VANGL1: variants seen among roughly 807,000 people sequenced by gnomAD.
The protein encoded by VANGL1 is vang-like protein 1.
In VANGL1, 18 loss-of-function variants were observed where a neutral mutation model predicts 48.4. The observed-to-expected ratio is 0.37, with a 90% CI of 0.26 to 0.55. The LOEUF is 0.55. VANGL1 is among the 20% of genes least tolerant of loss of function. The probability of loss-of-function intolerance (pLI) is 0.81; values close to 1 mark genes in which losing one functional copy is unlikely to be tolerated. For synonymous variants in VANGL1, 257 were observed against 261.8 expected, an observed-to-expected ratio of 0.98 and a Z score of 0.18; for missense variants, 667 against 675.8, an observed-to-expected ratio of 0.99 and a Z score of 0.14.
intron 3 of VANGL1, among the ~76,000 whole-genome samples, chr1:115,662,295 C>A (rs768660346): frequency 6.6e-6 from 1 of 152,168 alleles, no homozygotes; most frequent in Non-Finnish European, 1.5e-5. Context: ...TAGCTACTAA[C>A]TGAAACTAGC....
At position 115,651,447 on chromosome 1, in the gene VANGL1, T is replaced by A; in HGVS notation, c.34T>A (p.Tyr12Asn). 6.2e-7 allele frequency: 1 copy of A among 1,614,144 alleles called. No homozygotes were observed. Among genetic ancestry groups the A allele is most frequent in the Non-Finnish European group, 8.5e-7 (1 of 1,180,012 alleles). The change falls in exon 2 of 8, where the codon TAC (tyrosine) becomes AAC (asparagine). Residue 12 changes from tyrosine (Y) to asparagine (N), a missense_variant. Coordinates refer to ENST00000355485, the MANE Select transcript of VANGL1 (RefSeq NM_138959.3). ...DTESTYSGYS[Y>N]YSSHSKKSHR... ...CGAATCCACTTATTCTGGATATTCT[T>A]ACTATTCAAGTCATTCGAAAAAATC... is the stretch of plus-strand genomic sequence containing the variant.
In VANGL1 at chr1:115,663,687, G is replaced by A. The variant is rs186509771; in HGVS notation, c.231G>A (p.Thr77=). ...VQDDNWGETT[T]AITGTSEHSI... ...ATGACAACTGGGGAGAGACCACCAC[G>A]GCCATCACAGGCACCTCGGAGCACA... The change falls in exon 4 of 8, where the codon ACG becomes ACA. Residue 77 remains threonine (T), a synonymous_variant. Coordinates refer to ENST00000355485, the MANE Select transcript of VANGL1 (RefSeq NM_138959.3). 210 of 1,614,112 alleles carry A rather than the reference G, an allele frequency of 1.3e-4. No individual in the cohort carries two copies. The highest frequency in any genetic ancestry group is 1.6e-4 in the Non-Finnish European group (189 of 1,180,028).
At chr1:115,677,586 G>C (rs1005039855) in intron 4 of VANGL1, among the ~76,000 whole-genome samples, 4 of 152,210 alleles carry the variant, frequency 2.6e-5, no homozygotes, top group Admixed American at 6.5e-5. Flanking sequence ...ACAACTAGGC[G>C]TACCTTCATG....
chr1:115,677,329 C>T (rs963996039), intron 4 of VANGL1, among the ~76,000 whole-genome samples: 2 of 152,214 alleles, frequency 1.3e-5, no homozygotes, highest in Non-Finnish European at 2.9e-5. Context: ...GAAGTGCTTT[C>T]GTGGTTGATT....
Position 115,691,327 on chromosome 1 carries a change from A to G in VANGL1, c.1523A>G (p.Asp508Gly), listed in dbSNP as rs775329190. 6.2e-7 allele frequency: 1 copy of G among 1,614,048 alleles called. No individual in the cohort carries two copies. The highest frequency in any genetic ancestry group is 2.2e-5 in the East Asian group (1 of 44,878). ...PFIILSEEFI[D>G]PKSHKFVLRL... ...ATCATACTCTCTGAAGAGTTCATAG[A>G]CCCCAAATCTCACAAATTTGTCCTT... The change falls in exon 8 of 8, where the codon GAC becomes GGC. Residue 508 changes from aspartate to glycine, a missense_variant. Coordinates refer to ENST00000355485, the MANE Select transcript of VANGL1 (RefSeq NM_138959.3).
At position 115,679,252 on chromosome 1, in the gene VANGL1, G is replaced by C. The variant is rs116647512; in HGVS notation, c.813-3112G>C. On this transcript the variant is annotated intron_variant, in intron 4 of 7. Coordinates refer to ENST00000355485, the MANE Select transcript of VANGL1 (RefSeq NM_138959.3). ...GAGTCATCCTGTTGCTTCTCTGAGA[G>C]GGCAGAGCCAGAGGGAGTGCAGGAC... Among the ~76,000 whole-genome samples, 846 of 152,340 alleles carry C rather than the reference G, an allele frequency of 5.6e-3. 6 individuals carry two copies. The highest frequency in any genetic ancestry group is 6.6e-3 in the Non-Finnish European group (447 of 68,026).
In VANGL1 at chr1:115,694,869, G is replaced by A. The variant is rs1653978517; in HGVS notation, c.*3490G>A. 6.6e-6 allele frequency: 1 copy of A among 152,194 alleles called. No individual in the cohort carries two copies. The highest frequency in any genetic ancestry group is 6.5e-5 in the Admixed American group (1 of 15,278). 9.4% of individuals were successfully genotyped at this position (152,194 alleles called of 1,614,324 possible). A position where few individuals can be genotyped will look rare whatever the true frequency, so the allele number is the denominator to read the frequency against. ...AGCAGGTGTGTAGCTCAGCAGATAC[G>A]TGTCATTGTGTATATAGCTGAGTGT... On this transcript the variant is annotated 3_prime_UTR_variant, in exon 8 of 8. Transcript: ENST00000355485.
rs1384486572 is a variant in VANGL1 at position 115,669,363 on chromosome 1, TA to T, written c.812+5101del. ...AAGCTTCAGGGTCAAAGTTTTGGGG[TA>T]AAAAATGCTTCATTCATTGAGACTG... On this transcript the variant is annotated intron_variant, in intron 4 of 7. Coordinates refer to ENST00000355485, the MANE Select transcript of VANGL1 (RefSeq NM_138959.3). 3.3e-5 allele frequency among the ~76,000 whole-genome samples: 5 copies of T among 152,142 alleles called. No individual in the cohort carries two copies. The East Asian group carries it at 9.7e-4, about 29-fold the overall frequency.
rs1654079305 is a variant in VANGL1, at chr1:115,697,634, C to G, written c.*6255C>G. On this transcript the variant is annotated 3_prime_UTR_variant, in exon 8 of 8. Coordinates refer to ENST00000355485, the MANE Select transcript of VANGL1 (RefSeq NM_138959.3). ...GAGAACCAGAGAGGCCTGGGCCAGGCAGGTCTTATTTGAGAGGAGATTATT... is the reference window on the plus strand; with the variant it reads ...GAGAACCAGAGAGGCCTGGGCCAGGGAGGTCTTATTTGAGAGGAGATTATT... 6.6e-6 allele frequency: 1 copy of G among 152,190 alleles called. No homozygotes were observed. Among genetic ancestry groups the G allele is most frequent in the Non-Finnish European group, 1.5e-5 (1 of 68,036 alleles). The allele number at this position is 152,190 out of a possible 1,614,324, so 9.4% of individuals were successfully genotyped here.
chr1:115,658,651 G>A (rs1257223138), intron 2 of VANGL1, among the ~76,000 whole-genome samples: 1 of 152,182 alleles, frequency 6.6e-6, no homozygotes, highest in Non-Finnish European at 1.5e-5. Context: ...CTGATGTCAA[G>A]GTGGCTGTGG....
chr1:115,646,413 C>G (rs1651914590), intron 1 of VANGL1, among the ~76,000 whole-genome samples: 1 of 151,386 alleles, frequency 6.6e-6, no homozygotes, highest in African/African-American at 2.4e-5. Context: ...CTGAAAGAGG[C>G]TGCTGCTGAT....
chr1:115,685,608 A>G (rs1653575995), intron 7 of VANGL1, 81 bp downstream of exon 7: 4 of 1,408,832 alleles, frequency 2.8e-6, no homozygotes, highest in African/African-American at 1.4e-5. Flanking sequence ...GCGTGTTACT[A>G]GAAGTGATAA....
chr1:115,698,009 C>T lies in VANGL1; in HGVS notation c.*6630C>T, dbSNP rs1035930237. 2.0e-5 allele frequency: 3 copies of T among 152,184 alleles called. No homozygotes were observed. Among genetic ancestry groups the T allele is most frequent in the Non-Finnish European group, 4.4e-5 (3 of 68,034 alleles). 9.4% of individuals were successfully genotyped at this position (152,184 alleles called of 1,614,324 possible). ...CCATCTGTACAGGTCCATTTACTTACATTCATAAGGTTTATGCTATGAAAC... is the reference window on the plus strand; with the variant it reads ...CCATCTGTACAGGTCCATTTACTTATATTCATAAGGTTTATGCTATGAAAC... On this transcript the variant is annotated 3_prime_UTR_variant, in exon 8 of 8. Coordinates refer to ENST00000355485, the MANE Select transcript of VANGL1 (RefSeq NM_138959.3).
At chr1:115,664,479 C>G (rs1652699097) in intron 4 of VANGL1, among the ~76,000 whole-genome samples, 1 of 152,170 alleles carries the variant, frequency 6.6e-6, no homozygotes, top group Non-Finnish European at 1.5e-5. Flanking sequence ...GTTGCTGGCT[C>G]TCACCCAGGT....
At chr1:115,678,067 A>G (rs1445301475) in intron 4 of VANGL1, among the ~76,000 whole-genome samples, 2 of 152,232 alleles carry the variant, frequency 1.3e-5, no homozygotes, top group East Asian at 3.8e-4. Context: ...GCCTGCAAGT[A>G]TTATATACCC....
intron 1 of VANGL1, among the ~76,000 whole-genome samples, chr1:115,650,179 A>C (rs1652088359): frequency 6.6e-6 from 1 of 152,162 alleles, no homozygotes; most frequent in African/African-American, 2.4e-5. Context: ...GCCTCCTCCC[A>C]GGAGGGTTAG....
chr1:115,682,106 T>C (rs932140678), intron 4 of VANGL1, among the ~76,000 whole-genome samples: 3 of 152,234 alleles, frequency 2.0e-5, no homozygotes, highest in African/African-American at 7.2e-5. Context: ...AACTTCTTCC[T>C]CTTTCAACAA....
chr1:115,696,587 G>A lies in VANGL1; in HGVS notation c.*5208G>A, dbSNP rs768094574. The A allele has an allele frequency of 7.2e-5, 11 of 152,160 alleles. No individual in the cohort carries two copies. The highest frequency in any genetic ancestry group is 1.3e-4 in the Non-Finnish European group (9 of 68,044). 9.4% of individuals were successfully genotyped at this position (152,160 alleles called of 1,614,324 possible). On this transcript the variant is annotated 3_prime_UTR_variant, in exon 8 of 8. Coordinates refer to ENST00000355485, the MANE Select transcript of VANGL1 (RefSeq NM_138959.3). ...GACATCTCATTAGGAATTAAGATGC[G>A]ATGGATTAGAAATGTAAAACTTCAG...
chr1:115,664,447 G>T (rs962380743), intron 4 of VANGL1, among the ~76,000 whole-genome samples, 179 bp downstream of exon 4: 3 of 152,148 alleles, frequency 2.0e-5, no homozygotes, highest in Admixed American at 2.0e-4. Flanking sequence ...TGAGTTTCTG[G>T]ACTTCTAGAT....
Sources: allele counts gnomAD v4.1 joint callset (sites outside exome capture counted in the v4.1 genomes callset), GRCh38; gene constraint gnomAD v4.1.1; transcripts MANE v1.5; gene names NCBI Gene and HGNC (gene_info 2026-07-23, HGNC 2026-07-21).